Variants in MAPKAP1 observed in about 807,000 individuals in gnomAD.
MAPKAP1 encodes target of rapamycin complex 2 subunit MAPKAP1.
A neutral mutation model predicts 65.7 loss-of-function variants in MAPKAP1; 20 were observed. The observed-to-expected ratio is 0.30, with a 90% CI of 0.21 to 0.44. The LOEUF is 0.44. Among genes scored for constraint, MAPKAP1 ranks in the 20% least tolerant of loss-of-function variants. The pLI is 1.00. For synonymous variants in MAPKAP1, 222 were observed against 244.3 expected, an observed-to-expected ratio of 0.91 and a Z score of 0.85; for missense variants, 423 against 648.0, an observed-to-expected ratio of 0.65 and a Z score of 3.77.
At chr9:125,522,496 T>C (rs13302549) in intron 7 of MAPKAP1, among the ~76,000 whole-genome samples, 42,755 of 152,170 alleles carry the variant, frequency 0.28, 6,889 homozygotes, top group Non-Finnish European at 0.37. Flanking sequence ...CACGGCACTC[T>C]CAAGTTTGGA....
chr9:125,613,136 G>C (rs529609763), intron 4 of MAPKAP1, among the ~76,000 whole-genome samples: 2 of 152,260 alleles, frequency 1.3e-5, no homozygotes, highest in East Asian at 3.9e-4. Context: ...GTAGAAACAG[G>C]ACTGTAGATC....
At chr9:125,618,400 C>CATTACCCATTATGGGACTACAATGA (rs1832805455) in intron 4 of MAPKAP1, among the ~76,000 whole-genome samples, 2 of 138,152 alleles carry the variant, frequency 1.4e-5, no homozygotes, top group Non-Finnish European at 3.1e-5. Context: ...AAAGACAACC[C>CATTACCCATTATGGGACTACAATGA]ATTACCCATT....
chr9:125,658,817 CTT>C (rs1834105687), intron 3 of MAPKAP1, among the ~76,000 whole-genome samples: 1 of 152,208 alleles, frequency 6.6e-6, no homozygotes, highest in Non-Finnish European at 1.5e-5. Context: ...AATGTCCACA[CTT>C]AAAGTTTTTA....
chr9:125,656,579 CGAAGA>C (rs1564604456), intron 4 of MAPKAP1, among the ~76,000 whole-genome samples: 1 of 151,774 alleles, frequency 6.6e-6, no homozygotes, highest in African/African-American at 2.4e-5. Context: ...AAAAGTCTTT[CGAAGA>C]GAAAACACCT....
intron 9 of MAPKAP1, among the ~76,000 whole-genome samples, chr9:125,472,072 A>T (rs1427544807): frequency 6.6e-6 from 1 of 152,236 alleles, no homozygotes; most frequent in Non-Finnish European, 1.5e-5. Flanking sequence ...CTTGCCTAAG[A>T]TCACCCAGCT....
intron 4 of MAPKAP1, among the ~76,000 whole-genome samples, chr9:125,643,499 C>A (rs1833639088): frequency 6.6e-6 from 1 of 152,066 alleles, no homozygotes; most frequent in Non-Finnish European, 1.5e-5. Context: ...CTGGCCTATA[C>A]ATGCTATTTT....
At chr9:125,581,975 T>G (rs1423459051) in intron 5 of MAPKAP1, among the ~76,000 whole-genome samples, 2 of 152,204 alleles carry the variant, frequency 1.3e-5, no homozygotes, top group Non-Finnish European at 2.9e-5. Context: ...GCTATTCCCT[T>G]CCTTCTCCAC....
At chr9:125,474,500 A>G (rs1389148197) in intron 9 of MAPKAP1, among the ~76,000 whole-genome samples, 1 of 152,178 alleles carries the variant, frequency 6.6e-6, no homozygotes, top group Admixed American at 6.5e-5. Context: ...GAGCCTGATC[A>G]TTCTCCTCTG....
rs538667786 is a variant in MAPKAP1, at chr9:125,579,735, C to T, written c.671+5820G>A. Reference sequence around the variant, plus strand: ...CCACTGGAAAAGACCAAATAAGGATCTATTCCAACACTAAGTACAAACACA... The same window carrying T: ...CCACTGGAAAAGACCAAATAAGGATTTATTCCAACACTAAGTACAAACACA... On this transcript the variant is annotated intron_variant, in intron 5 of 11. Transcript: ENST00000265960. 1.9e-4 allele frequency among the ~76,000 whole-genome samples: 29 copies of T among 152,324 alleles called. 1 individual carries two copies. Among genetic ancestry groups the T allele is most frequent in the African/African-American group, 6.3e-4 (26 of 41,572 alleles).
intron 3 of MAPKAP1, among the ~76,000 whole-genome samples, chr9:125,658,610 C>T (rs1834099680): frequency 6.6e-6 from 1 of 152,140 alleles, no homozygotes; most frequent in Middle Eastern, 3.2e-3. Context: ...ACAAGGTAGA[C>T]ACTGAATAAA....
chr9:125,491,896 T>C (rs1325288383), intron 8 of MAPKAP1, among the ~76,000 whole-genome samples: 1 of 151,932 alleles, frequency 6.6e-6, no homozygotes, highest in African/African-American at 2.4e-5. Flanking sequence ...TGTAACTCAA[T>C]AAACAAAAGC....
intron 4 of MAPKAP1, among the ~76,000 whole-genome samples, chr9:125,627,080 C>T (rs1371596171): frequency 6.6e-6 from 1 of 152,146 alleles, no homozygotes; most frequent in African/African-American, 2.4e-5. Flanking sequence ...AACAAGCCAA[C>T]AAAACTGTAG....
chr9:125,707,205 C>T lies in MAPKAP1; in HGVS notation c.-304G>A. On this transcript the variant is annotated 5_prime_UTR_variant, in exon 1 of 12. In the 5' UTR this introduces an upstream ATG that the reference lacks. Coordinates refer to ENST00000265960, the MANE Select transcript of MAPKAP1 (RefSeq NM_001006617.3). ...CAGCCCTATTACCCCGAGCCGCACA[C>T]GACCCGGAACCACACCCCGGCGTTC... The T allele has an allele frequency of 2.5e-6, 1 of 398,114 alleles. No homozygotes were observed. The highest frequency in any genetic ancestry group is 4.4e-5 in the Admixed American group (1 of 22,732). The allele number at this position is 398,114 out of a possible 1,614,324, so 24.7% of individuals were successfully genotyped here.
Position 125,439,146 on chromosome 9 carries a change from T to C in MAPKAP1, c.1444-134A>G. On this transcript the variant is annotated intron_variant, in intron 11 of 11. Coordinates refer to ENST00000265960, the MANE Select transcript of MAPKAP1 (RefSeq NM_001006617.3). The surrounding 1 kb of genome is among the most constrained non-coding windows in gnomAD (Gnocchi z 4.0). ...GCCAGGTGCTGTCGTGTGGAAGGAG[T>C]CCAGTCATCACAGCAACCTGGCAGC... 1 of 940,260 alleles carries C rather than the reference T, an allele frequency of 1.1e-6. No homozygotes were observed. Among genetic ancestry groups the C allele is most frequent in the Non-Finnish European group, 1.6e-6 (1 of 642,754 alleles). 58.2% of individuals were successfully genotyped at this position (940,260 alleles called of 1,614,324 possible). A position where few individuals can be genotyped will look rare whatever the true frequency, so the allele number is the denominator to read the frequency against.
intron 9 of MAPKAP1, chr9:125,478,261 A>G (rs1854182783): frequency 6.6e-6 from 1 of 152,202 alleles, no homozygotes; most frequent in Admixed American, 6.5e-5. Context: ...GAGCAGGAAT[A>G]TGCACAAGTT....
intron 5 of MAPKAP1, among the ~76,000 whole-genome samples, chr9:125,561,763 T>C (rs922460505): frequency 1.3e-5 from 2 of 152,262 alleles, no homozygotes; most frequent in Non-Finnish European, 1.5e-5. Flanking sequence ...ATTGTAAAGA[T>C]TAGATCAGAT....
chr9:125,674,445 T>C (rs1049354881), intron 1 of MAPKAP1, among the ~76,000 whole-genome samples: 1 of 152,190 alleles, frequency 6.6e-6, no homozygotes, highest in African/African-American at 2.4e-5. Flanking sequence ...GCAAAATTGT[T>C]GAGAAGTACA....
intron 7 of MAPKAP1, chr9:125,512,814 A>G (rs1829342378): frequency 6.6e-6 from 1 of 152,098 alleles, no homozygotes. Flanking sequence ...CGATCTCCTG[A>G]CCTTGTGATC....
chr9:125,640,976 T>C (rs1833561418), intron 4 of MAPKAP1, among the ~76,000 whole-genome samples: 1 of 152,336 alleles, frequency 6.6e-6, no homozygotes, highest in South Asian at 2.1e-4. Flanking sequence ...AGTAAGATAA[T>C]CTGGATTCAA....
Sources: gnomAD v4.1 joint callset for allele counts (sites outside exome capture counted in the v4.1 genomes callset) on GRCh38, gnomAD v4.1.1 for gene constraint, Gnocchi (gnomAD v3.1) non-coding constraint, MANE v1.5 for transcripts, NCBI Gene and HGNC (gene_info 2026-07-23, HGNC 2026-07-21) for gene names.